ZNF423: variants seen among roughly 807,000 people sequenced by gnomAD.
The protein encoded by ZNF423 is Ebf-associated zinc finger protein.
Under a neutral mutation model 95.8 loss-of-function variants are expected in ZNF423, and 12 were observed. The observed-to-expected ratio is 0.13, with a 90% CI of 0.08 to 0.20. ZNF423 has a LOEUF of 0.20. Among genes scored for constraint, ZNF423 ranks in the 10% least tolerant of loss-of-function variants. ZNF423 has a pLI of 1.00. For missense variants in ZNF423, 1,316 were observed against 1,737.1 expected (o/e 0.76, Z 4.31); for synonymous variants, 749 against 711.9 (o/e 1.05, Z -0.83).
chr16:49,508,828 G>A (rs926247850), intron 7 of ZNF423, among the ~76,000 whole-genome samples: 4 of 152,028 alleles, frequency 2.6e-5, no homozygotes, highest in Non-Finnish European at 2.9e-5. Flanking sequence ...TCCCACCAAC[G>A]CTGTATTTTA....
At chr16:49,814,804 G>C (rs895544400) in intron 1 of ZNF423, among the ~76,000 whole-genome samples, 1 of 152,088 alleles carries the variant, frequency 6.6e-6, no homozygotes. Flanking sequence ...CTCTGATAGG[G>C]GTGAGCCTGG....
intron 5 of ZNF423, among the ~76,000 whole-genome samples, chr16:49,559,286 G>C (rs567981693): frequency 5.3e-5 from 8 of 152,360 alleles, no homozygotes; most frequent in African/African-American, 1.9e-4. Context: ...AGTACCAAAG[G>C]GGGTCAGGGA....
At chr16:49,771,192 C>CTTTTTTTTT (rs71380376) in intron 2 of ZNF423, among the ~76,000 whole-genome samples, 5 of 89,436 alleles carry the variant, frequency 5.6e-5, no homozygotes, top group Non-Finnish European at 1.0e-4. Context: ...TTTTTTTTTT[C>CTTTTTTTTT]TTTTTTTTTT....
chr16:49,537,146 G>A (rs1969080954), intron 5 of ZNF423, among the ~76,000 whole-genome samples: 1 of 152,232 alleles, frequency 6.6e-6, no homozygotes, highest in Non-Finnish European at 1.5e-5. Context: ...CCCAAAGTGG[G>A]TAAGAATATG....
At chr16:49,649,430 AG>A (rs1973304902) in intron 3 of ZNF423, among the ~76,000 whole-genome samples, 2 of 152,172 alleles carry the variant, frequency 1.3e-5, no homozygotes, top group Admixed American at 6.5e-5. Flanking sequence ...CTCAGGTGGT[AG>A]GTATCCCAGC....
In ZNF423 at chr16:49,635,798, G is replaced by T. The variant is rs148173134; in HGVS notation, c.3378C>A (p.Ala1126=). The T allele has an allele frequency of 6.2e-7, 1 of 1,611,822 alleles. No individual in the cohort carries two copies. The highest frequency in any genetic ancestry group is 1.7e-5 in the Admixed American group (1 of 59,824). Residue 1126 remains alanine (A), a synonymous_variant, in exon 4 of 8, where the codon GCC becomes GCA. Coordinates refer to ENST00000563137, the MANE Select transcript of ZNF423 (RefSeq NM_001379286.1). The surrounding 1 kb of genome is among the most constrained non-coding windows in gnomAD (Gnocchi z 4.8). ...APPEPADRPC[A]GLRCPECSVK... Reference sequence around the variant, plus strand: ...CACTGCACTCGGGGCAACGGAGGCCGGCACAGGGCCGGTCGGCGGGCTCGG... The same window carrying T: ...CACTGCACTCGGGGCAACGGAGGCCTGCACAGGGCCGGTCGGCGGGCTCGG...
At chr16:49,778,487 C>A (rs1177629924) in intron 2 of ZNF423, among the ~76,000 whole-genome samples, 1 of 152,184 alleles carries the variant, frequency 6.6e-6, no homozygotes. Flanking sequence ...CTCAGGTCAG[C>A]CTCAGGCCTC....
At chr16:49,614,022 A>G (rs1230911382) in intron 5 of ZNF423, among the ~76,000 whole-genome samples, 1 of 152,230 alleles carries the variant, frequency 6.6e-6, no homozygotes, top group African/African-American at 2.4e-5. Flanking sequence ...CAAGCTCCAG[A>G]CTGGGAAAAA....
rs549941785 is a variant in ZNF423 at position 49,564,300 on chromosome 16, G to A, written c.3602-38806C>T. ...TAAAACAGGAAGTATTTTGCTTATTGCAAAAATAAGTACATATCAAAAAAA... is the reference window on the plus strand; with the variant it reads ...TAAAACAGGAAGTATTTTGCTTATTACAAAAATAAGTACATATCAAAAAAA... On this transcript the variant is annotated intron_variant, in intron 5 of 7. Coordinates refer to ENST00000563137, the MANE Select transcript of ZNF423 (RefSeq NM_001379286.1). 7.3e-5 allele frequency among the ~76,000 whole-genome samples: 11 copies of A among 151,624 alleles called. 1 individual carries two copies. The highest frequency in any genetic ancestry group is 6.6e-4 in the Admixed American group (10 of 15,190).
chr16:49,830,190 AAGG>A (rs1158288990), intron 1 of ZNF423, among the ~76,000 whole-genome samples: 2 of 152,158 alleles, frequency 1.3e-5, no homozygotes, highest in African/African-American at 4.8e-5. Context: ...AGTCCAGAAG[AAGG>A]AGAAGGAGCC....
chr16:49,519,139 T>C (rs1029345001), intron 7 of ZNF423, among the ~76,000 whole-genome samples: 7 of 152,232 alleles, frequency 4.6e-5, no homozygotes, highest in African/African-American at 1.7e-4. Context: ...AATGTACACA[T>C]GACCTGTACC....
At chr16:49,654,430 G>A (rs1440708123) in intron 3 of ZNF423, among the ~76,000 whole-genome samples, 1 of 152,238 alleles carries the variant, frequency 6.6e-6, no homozygotes, top group Non-Finnish European at 1.5e-5. Context: ...GGGGCGTAGA[G>A]CACAGGCCCC....
At chr16:49,745,863 T>C (rs1380867062) in intron 2 of ZNF423, among the ~76,000 whole-genome samples, 1 of 152,166 alleles carries the variant, frequency 6.6e-6, no homozygotes, top group East Asian at 1.9e-4. Flanking sequence ...GAAAGGACTC[T>C]CTATGGGGAG....
chr16:49,702,403 TCCTCGCCTTTGGAA>T (rs1338792195), intron 3 of ZNF423, among the ~76,000 whole-genome samples: 1 of 152,188 alleles, frequency 6.6e-6, no homozygotes, highest in Non-Finnish European at 1.5e-5. Flanking sequence ...GCCAGCCCCA[TCCTCGCCTTTGGAA>T]GCTGGTTTGT....
rs140692465 is a variant in ZNF423, at chr16:49,643,113, G to A, written c.302-4239C>T. On this transcript the variant is annotated intron_variant, in intron 3 of 7. Transcript: ENST00000563137. The stretch of plus-strand genomic sequence containing the variant: ...TGGGATTACAGGTGTGAGTCACTGC[G>A]CCTGGCCCAAGGTTCTCCTCTCTTA... Among the ~76,000 whole-genome samples the A allele has an allele frequency of 7.4e-3, 1,133 of 152,146 alleles. 15 individuals carry two copies. The highest frequency in any genetic ancestry group is 0.025 in the African/African-American group (1,033 of 41,516).
At chr16:49,735,934 T>G (rs1172573835) in intron 2 of ZNF423, among the ~76,000 whole-genome samples, 2 of 152,168 alleles carry the variant, frequency 1.3e-5, no homozygotes, top group Admixed American at 6.5e-5. Context: ...AAATTATTGC[T>G]TCAGGCCATT....
intron 5 of ZNF423, among the ~76,000 whole-genome samples, chr16:49,567,361 G>T (rs1365045084): frequency 6.6e-6 from 1 of 152,202 alleles, no homozygotes; most frequent in Non-Finnish European, 1.5e-5. Context: ...CTGCCACTGC[G>T]ATGCTCCCAT....
chr16:49,806,808 C>T (rs2034671075), intron 1 of ZNF423, among the ~76,000 whole-genome samples: 1 of 151,912 alleles, frequency 6.6e-6, no homozygotes, highest in South Asian at 2.1e-4. Context: ...GCAGGCAGAT[C>T]ACAAGGTCAG....
chr16:49,518,267 T>C, intron 7 of ZNF423: 1 of 388,826 alleles, frequency 2.6e-6, no homozygotes, highest in Non-Finnish European at 5.0e-6. Flanking sequence ...CAGACAAACA[T>C]ACATGACCCC....
Sources: gnomAD v4.1 joint callset for allele counts (sites outside exome capture counted in the v4.1 genomes callset) on GRCh38, gnomAD v4.1.1 for gene constraint, Gnocchi (gnomAD v3.1) non-coding constraint, MANE v1.5 for transcripts, NCBI Gene and HGNC (gene_info 2026-07-23, HGNC 2026-07-21) for gene names.